The following SUGCT variants were observed in gnomAD, a reference collection of about 807,000 sequenced individuals.
SUGCT encodes succinyl-CoA:glutarate-CoA transferase, also known as succinyl-CoA:glutarate CoA-transferase.
In SUGCT, 41 loss-of-function variants were observed where a neutral mutation model predicts 55.0. The observed-to-expected ratio is 0.74, with a 90% CI of 0.58 to 0.97. The LOEUF is 0.97. Ranked by LOEUF, SUGCT falls within the 50% of genes least tolerant of loss-of-function variation. The pLI is 0.00. For synonymous variants in SUGCT, 187 were observed against 200.4 expected (o/e 0.93, Z 0.56); for missense variants, 568 against 547.8 (o/e 1.04, Z -0.37).
intron 8 of SUGCT, among the ~76,000 whole-genome samples, chr7:40,310,990 A>T (rs1036248417): frequency 6.6e-6 from 1 of 152,096 alleles, no homozygotes; most frequent in Non-Finnish European, 1.5e-5. Context: ...TGCCTAATTG[A>T]TTATATCACA....
At chr7:40,998,543 C>T in the SUGCT span, among the ~76,000 whole-genome samples, 1 of 152,150 alleles carries the variant, frequency 6.6e-6, no homozygotes. Flanking sequence ...CTCTTGTGCC[C>T]AGCAGTCATA....
chr7:40,676,537 C>G (rs1488794013), intron 12 of SUGCT, among the ~76,000 whole-genome samples: 1 of 143,484 alleles, frequency 7.0e-6, no homozygotes, highest in East Asian at 2.0e-4. Context: ...GAGCCTCACT[C>G]TGTTGCCCGG....
intron 9 of SUGCT, among the ~76,000 whole-genome samples, chr7:40,438,016 C>T (rs1475670127): frequency 2.0e-5 from 3 of 151,398 alleles, no homozygotes; most frequent in Non-Finnish European, 2.9e-5. Context: ...TTTCTTTTCC[C>T]ACTTGATTAT....
intron 9 of SUGCT, among the ~76,000 whole-genome samples, chr7:40,347,626 G>A (rs369140291): frequency 4.3e-4 from 65 of 152,112 alleles, no homozygotes; most frequent in African/African-American, 6.3e-4. Context: ...GAGAAAGCAC[G>A]TTCAGAAGAG....
intron 12 of SUGCT, among the ~76,000 whole-genome samples, chr7:40,622,528 GTTTTTTTT>G (rs370877783): frequency 1.2e-5 from 1 of 81,852 alleles, no homozygotes; most frequent in Non-Finnish European, 2.3e-5. Flanking sequence ...TGTTGTGGTT[GTTTTTTTT>G]TTTTTTTTTT....
At chr7:40,362,060 C>T (rs1248552659) in intron 9 of SUGCT, among the ~76,000 whole-genome samples, 3 of 151,876 alleles carry the variant, frequency 2.0e-5, no homozygotes, top group Non-Finnish European at 4.4e-5. Flanking sequence ...CCAAGGAGTT[C>T]AAGGAAAGAA....
At chr7:40,177,577 TTC>T (rs757635828) in intron 1 of SUGCT, among the ~76,000 whole-genome samples, 8 of 152,138 alleles carry the variant, frequency 5.3e-5, no homozygotes, top group Non-Finnish European at 8.8e-5. Context: ...ACCTTCTTAT[TTC>T]TCTTTGTTAA....
intron 12 of SUGCT, among the ~76,000 whole-genome samples, chr7:40,654,216 C>T (rs547024117): frequency 1.3e-5 from 2 of 152,228 alleles, no homozygotes; most frequent in East Asian, 3.9e-4. Context: ...GAGAACTAGT[C>T]TTTTGCTGTT....
chr7:40,859,161 A>C (rs1794352288), intron 13 of SUGCT, among the ~76,000 whole-genome samples: 1 of 152,208 alleles, frequency 6.6e-6, no homozygotes, highest in Non-Finnish European at 1.5e-5. Flanking sequence ...CCTGAAGCCT[A>C]ATCAAATGAG....
intron 8 of SUGCT, among the ~76,000 whole-genome samples, chr7:40,278,658 C>A (rs1367485785): frequency 6.6e-6 from 1 of 151,966 alleles, no homozygotes; most frequent in Non-Finnish European, 1.5e-5. Flanking sequence ...TCTCATGTGC[C>A]CTTCTCTAGC....
At chr7:40,143,127 C>T (rs1031510291) in intron 1 of SUGCT, among the ~76,000 whole-genome samples, 1 of 152,072 alleles carries the variant, frequency 6.6e-6, no homozygotes, top group South Asian at 2.1e-4. Flanking sequence ...GATGAAAGGC[C>T]AGAGTAAAAG....
At chr7:40,840,464 A>C (rs1420517472) in intron 13 of SUGCT, among the ~76,000 whole-genome samples, 2 of 141,642 alleles carry the variant, frequency 1.4e-5, no homozygotes, top group East Asian at 5.4e-4. Flanking sequence ...GCGTAGGTTG[A>C]GGAAGACTCA....
chr7:40,876,140 TTTTG>T, the SUGCT span, among the ~76,000 whole-genome samples: 8 of 152,194 alleles, frequency 5.3e-5, no homozygotes, highest in African/African-American at 1.2e-4. Flanking sequence ...TTGAATTGCT[TTTTG>T]TTTGTTTGTT....
the SUGCT span, among the ~76,000 whole-genome samples, chr7:40,871,187 C>A: frequency 6.6e-6 from 1 of 152,180 alleles, no homozygotes; most frequent in Non-Finnish European, 1.5e-5. Context: ...ACACACCCAG[C>A]CACACATTTA....
At chr7:40,175,170 T>A (rs1784863823) in intron 1 of SUGCT, among the ~76,000 whole-genome samples, 1 of 152,142 alleles carries the variant, frequency 6.6e-6, no homozygotes, top group East Asian at 1.9e-4. Context: ...CCTTTCGGGC[T>A]GTCATTTATC....
At chr7:40,879,821 C>G in the SUGCT span, among the ~76,000 whole-genome samples, 2 of 152,164 alleles carry the variant, frequency 1.3e-5, no homozygotes, top group Non-Finnish European at 2.9e-5. Flanking sequence ...TTCTGGGACC[C>G]AGGCTATTTG....
intron 9 of SUGCT, among the ~76,000 whole-genome samples, chr7:40,430,866 C>T (rs1787856268): frequency 6.6e-6 from 1 of 151,746 alleles, no homozygotes; most frequent in Non-Finnish European, 1.5e-5. Flanking sequence ...GTAATCTCAG[C>T]ACTTTGGGAG....
At chr7:40,863,084 C>T (rs1362228796), downstream of SUGCT, among the ~76,000 whole-genome samples, 3 of 152,046 alleles carry the variant, frequency 2.0e-5, no homozygotes, top group Non-Finnish European at 4.4e-5. Context: ...ACTAAAAATA[C>T]AAAAATTAGC....
chr7:40,645,525 A>G (rs1463138702), intron 12 of SUGCT, among the ~76,000 whole-genome samples: 1 of 152,034 alleles, frequency 6.6e-6, no homozygotes, highest in Non-Finnish European at 1.5e-5. Flanking sequence ...CATTTTTCCT[A>G]CCCTACTTCC....
Sources: allele counts gnomAD v4.1 joint callset (sites outside exome capture counted in the v4.1 genomes callset), GRCh38; gene constraint gnomAD v4.1.1; transcripts MANE v1.5; gene names NCBI Gene and HGNC (gene_info 2026-07-23, HGNC 2026-07-21).